SGMS1: variants seen among roughly 807,000 people sequenced by gnomAD.
SGMS1 encodes phosphatidylcholine:ceramide cholinephosphotransferase 1.
SGMS1 carries 13 observed loss-of-function variants against 46.2 expected under a neutral mutation model. The observed-to-expected ratio is 0.28, with a 90% CI of 0.18 to 0.45. The LOEUF is 0.45. Ranked by LOEUF, SGMS1 falls within the 20% of genes least tolerant of loss-of-function variation. SGMS1 has a pLI of 1.00. For synonymous variants in SGMS1, 203 were observed against 187.8 expected, an observed-to-expected ratio of 1.08 and a Z score of -0.66; for missense variants, 324 against 519.9, an observed-to-expected ratio of 0.62 and a Z score of 3.66.
At chr10:50,561,972 CT>C (rs1412435206) in intron 2 of SGMS1, among the ~76,000 whole-genome samples, 6 of 152,132 alleles carry the variant, frequency 3.9e-5, no homozygotes, top group Admixed American at 1.3e-4. Flanking sequence ...GAGAGCATAT[CT>C]TCATCTGGGT....
At chr10:50,597,616 G>C (rs774970485) in intron 1 of SGMS1, among the ~76,000 whole-genome samples, 2 of 152,188 alleles carry the variant, frequency 1.3e-5, no homozygotes, top group African/African-American at 2.4e-5. Flanking sequence ...GAGGAAAGAG[G>C]ATTTAAACTA....
intron 6 of SGMS1, among the ~76,000 whole-genome samples, chr10:50,377,820 G>A (rs1341110526): frequency 6.6e-6 from 1 of 152,122 alleles, no homozygotes; most frequent in Non-Finnish European, 1.5e-5. Flanking sequence ...GGTGGCTACT[G>A]GCATTCCGTG....
At chr10:50,600,512 G>A (rs944896124) in intron 1 of SGMS1, among the ~76,000 whole-genome samples, 2 of 152,106 alleles carry the variant, frequency 1.3e-5, no homozygotes, top group African/African-American at 4.8e-5. Flanking sequence ...GGGGGAAGGG[G>A]AATGAATATA....
intron 3 of SGMS1, among the ~76,000 whole-genome samples, chr10:50,501,898 A>G (rs898494533): frequency 6.6e-6 from 1 of 152,206 alleles, no homozygotes; most frequent in Non-Finnish European, 1.5e-5. Flanking sequence ...AATTTTAAGT[A>G]TGGGTATTCA....
At chr10:50,534,498 G>T (rs1311748470) in intron 2 of SGMS1, among the ~76,000 whole-genome samples, 1 of 152,152 alleles carries the variant, frequency 6.6e-6, no homozygotes, top group Non-Finnish European at 1.5e-5. Context: ...TTATCCATCA[G>T]GAGCCTTAAA....
intron 2 of SGMS1, among the ~76,000 whole-genome samples, chr10:50,536,483 G>A (rs1838003389): frequency 6.6e-6 from 1 of 152,106 alleles, no homozygotes; most frequent in South Asian, 2.1e-4. Context: ...GGGTCAACAA[G>A]GCACCTGTTA....
chr10:50,368,123 A>C (rs1848377777), intron 6 of SGMS1, among the ~76,000 whole-genome samples: 1 of 152,180 alleles, frequency 6.6e-6, no homozygotes, highest in South Asian at 2.1e-4. Flanking sequence ...GCTCTCCTCT[A>C]TATCCATGTG....
At chr10:50,404,044 A>C (rs1157127362) in intron 6 of SGMS1, among the ~76,000 whole-genome samples, 1 of 152,106 alleles carries the variant, frequency 6.6e-6, no homozygotes, top group East Asian at 1.9e-4. Context: ...GAATTTTCCT[A>C]ATTTAAAATG....
chr10:50,408,787 A>C (rs1349451501), intron 6 of SGMS1, among the ~76,000 whole-genome samples: 2 of 152,078 alleles, frequency 1.3e-5, no homozygotes, highest in Non-Finnish European at 2.9e-5. Context: ...GAGGCAGGAG[A>C]ATCATTTGAG....
rs1456573851 is a variant in SGMS1, at chr10:50,519,836, T to G, written c.-503A>C. The G allele has an allele frequency of 6.6e-6, 1 of 152,344 alleles. No homozygotes were observed. Among genetic ancestry groups the G allele is most frequent in the Non-Finnish European group, 1.5e-5 (1 of 68,036 alleles). The allele number at this position is 152,344 out of a possible 1,614,324, so 9.4% of individuals were successfully genotyped here. A position where few individuals can be genotyped will look rare whatever the true frequency, so the allele number is the denominator to read the frequency against. ...AAATGCTGATTCTGACTTACCTGTATTTTATTACACACCCTCTGCTGTGTT... is the reference window on the plus strand; with the variant it reads ...AAATGCTGATTCTGACTTACCTGTAGTTTATTACACACCCTCTGCTGTGTT... On this transcript the variant is annotated 5_prime_UTR_variant, in exon 3 of 11. Coordinates refer to ENST00000361781, the MANE Select transcript of SGMS1 (RefSeq NM_147156.4).
chr10:50,561,362 T>A (rs556363651), intron 2 of SGMS1, among the ~76,000 whole-genome samples: 2 of 152,208 alleles, frequency 1.3e-5, no homozygotes, highest in Non-Finnish European at 2.9e-5. Flanking sequence ...TAGTATCAAC[T>A]GGCAGAGCAT....
At position 50,574,963 on chromosome 10, in the gene SGMS1, GTATATATATA is replaced by G. The variant is rs143713324; in HGVS notation, c.-589+15180_-589+15189del. Among the ~76,000 whole-genome samples, 9 of 99,876 alleles carry G rather than the reference GTATATATATA, an allele frequency of 9.0e-5. No homozygotes were observed. In the East Asian group the frequency reaches 1.5e-3, roughly 16 times the overall value. 65.5% of individuals were successfully genotyped at this position (99,876 alleles called of 152,430 possible). A position where few individuals can be genotyped will look rare whatever the true frequency, so the allele number is the denominator to read the frequency against. On this transcript the variant is annotated intron_variant, in intron 2 of 10. Coordinates refer to ENST00000361781, the MANE Select transcript of SGMS1 (RefSeq NM_147156.4). ...AAACATTTTAAAAGGAAAATGTGGT[GTATATATATA>G]TATATATATATAAAACAAAGTATTA...
intron 3 of SGMS1, among the ~76,000 whole-genome samples, chr10:50,480,124 T>C (rs12245522): frequency 0.096 from 14,596 of 151,994 alleles, 1,848 homozygotes; most frequent in African/African-American, 0.29. Context: ...ACGTCTATAG[T>C]ATACAGGAAC....
intron 3 of SGMS1, among the ~76,000 whole-genome samples, chr10:50,471,189 C>T (rs1837375641): frequency 6.6e-6 from 1 of 152,202 alleles, no homozygotes; most frequent in African/African-American, 2.4e-5. Context: ...AAACAAACAA[C>T]ATCTCCTCTC....
chr10:50,477,240 C>G (rs1024289334), intron 3 of SGMS1, among the ~76,000 whole-genome samples: 1 of 152,228 alleles, frequency 6.6e-6, no homozygotes, highest in Non-Finnish European at 1.5e-5. Context: ...GATACAGAGG[C>G]AAAGGAGATT....
rs1296174917 is a variant in SGMS1 at position 50,353,624 on chromosome 10, A to G, written c.-231-9279T>C. On this transcript the variant is annotated intron_variant, in intron 6 of 10. Transcript: ENST00000361781. ...CAGGAGAAGGAAATAAAGGGTATTC[A>G]ATTAGGAAAAGAGGAAGTCAAATTG... 1.5e-4 allele frequency among the ~76,000 whole-genome samples: 23 copies of G among 152,394 alleles called. No homozygotes were observed. In the South Asian group the frequency reaches 3.5e-3, roughly 23 times the overall value.
intron 6 of SGMS1, among the ~76,000 whole-genome samples, chr10:50,355,574 G>T (rs1848129277): frequency 6.6e-6 from 1 of 152,178 alleles, no homozygotes; most frequent in African/African-American, 2.4e-5. Context: ...CTCACTCAGT[G>T]CTCAATGTTG....
At chr10:50,533,529 T>C (rs754470193) in intron 2 of SGMS1, among the ~76,000 whole-genome samples, 1 of 152,168 alleles carries the variant, frequency 6.6e-6, no homozygotes, top group Non-Finnish European at 1.5e-5. Context: ...CATAGGAACT[T>C]GAAAATAAGA....
intron 6 of SGMS1, among the ~76,000 whole-genome samples, chr10:50,362,329 G>A (rs944510260): frequency 3.3e-5 from 5 of 152,108 alleles, no homozygotes; most frequent in African/African-American, 7.2e-5. Context: ...ATCCCACAGG[G>A]ATATCAGACT....
Sources: allele counts gnomAD v4.1 joint callset (sites outside exome capture counted in the v4.1 genomes callset), GRCh38; gene constraint gnomAD v4.1.1; transcripts MANE v1.5; gene names NCBI Gene and HGNC (gene_info 2026-07-23, HGNC 2026-07-21).